The following NFKB1 variants were observed in gnomAD, a reference collection of about 807,000 sequenced individuals.
NFKB1 encodes nuclear factor kappa B subunit 1, also known as nuclear factor NF-kappa-B p105 subunit.
A neutral mutation model predicts 105.1 loss-of-function variants in NFKB1; 9 were observed. The ratio of observed to expected loss-of-function variants is 0.09; its 90% CI spans 0.05 to 0.15. The LOEUF is 0.15. Among genes scored for constraint, NFKB1 ranks in the 10% least tolerant of loss-of-function variants. NFKB1 has a pLI of 1.00. For missense variants in NFKB1, 830 were observed against 1,203.7 expected, an observed-to-expected ratio of 0.69 and a Z score of 4.59; for synonymous variants, 440 against 442.2, an observed-to-expected ratio of 1.00 and a Z score of 0.06.
At chr4:102,526,414 G>A (rs1467689430) in intron 2 of NFKB1, among the ~76,000 whole-genome samples, 2 of 152,076 alleles carry the variant, frequency 1.3e-5, no homozygotes, top group Non-Finnish European at 2.9e-5. Flanking sequence ...TATGTTATTT[G>A]AGTGTTGGAT....
At chr4:102,614,724 A>G (rs4648126) in intron 23 of NFKB1, among the ~76,000 whole-genome samples, 2,820 of 151,726 alleles carry the variant, frequency 0.019, 46 homozygotes, top group Middle Eastern at 0.038. Context: ...CCTACCTTCA[A>G]CTTCAGACCG....
intron 4 of NFKB1, 134 bp downstream of exon 4, chr4:102,534,019 G>A (rs1438040821): frequency 2.8e-6 from 2 of 725,032 alleles, no homozygotes; most frequent in Admixed American, 5.9e-5. Context: ...GACAAATTAT[G>A]TAACAGCTTT....
At chr4:102,538,421 CA>C (rs1310405830) in intron 5 of NFKB1, among the ~76,000 whole-genome samples, 3 of 152,206 alleles carry the variant, frequency 2.0e-5, no homozygotes, top group African/African-American at 7.2e-5. Flanking sequence ...TTCTAAACTT[CA>C]GTCTCTTAAT....
chr4:102,516,909 G>A (rs946289374), intron 1 of NFKB1, among the ~76,000 whole-genome samples: 4 of 152,108 alleles, frequency 2.6e-5, no homozygotes, highest in African/African-American at 9.7e-5. Flanking sequence ...CCATCGTGTG[G>A]TCTTTCTGAA....
intron 3 of NFKB1, among the ~76,000 whole-genome samples, chr4:102,530,297 G>A (rs1285117700): frequency 6.6e-6 from 1 of 152,122 alleles, no homozygotes; most frequent in African/African-American, 2.4e-5. Flanking sequence ...CAGTGTGCCA[G>A]TCACTGGGGA....
At chr4:102,594,204 T>G (rs1726413874) in intron 12 of NFKB1, among the ~76,000 whole-genome samples, 1 of 152,234 alleles carries the variant, frequency 6.6e-6, no homozygotes, top group African/African-American at 2.4e-5. Flanking sequence ...ATATGAACTT[T>G]AAGCATAAAT....
intron 6 of NFKB1, 60 bp from the exon 7 acceptor site, chr4:102,576,816 A>C: frequency 1.3e-6 from 2 of 1,525,804 alleles, no homozygotes; most frequent in Non-Finnish European, 1.8e-6. Context: ...CAGATTCCCT[A>C]GACATTAAGT....
intron 12 of NFKB1, among the ~76,000 whole-genome samples, chr4:102,594,301 A>G (rs993557397): frequency 2.0e-5 from 3 of 152,164 alleles, no homozygotes; most frequent in African/African-American, 7.2e-5. Flanking sequence ...TTTCTATATA[A>G]AATGCTATAC....
intron 1 of NFKB1, among the ~76,000 whole-genome samples, chr4:102,520,046 G>A (rs1740463760): frequency 6.6e-6 from 1 of 152,162 alleles, no homozygotes; most frequent in African/African-American, 2.4e-5. Context: ...GCCATTCTGT[G>A]CAGTATAGGA....
At chr4:102,549,463 TTA>T (rs768254303) in intron 5 of NFKB1, among the ~76,000 whole-genome samples, 2 of 149,428 alleles carry the variant, frequency 1.3e-5, no homozygotes, top group East Asian at 3.9e-4. Context: ...TATATTCTGT[TTA>T]TATATTGAAT....
intron 1 of NFKB1, among the ~76,000 whole-genome samples, chr4:102,520,966 G>C (rs1386001021): frequency 6.6e-6 from 1 of 151,930 alleles, no homozygotes; most frequent in Non-Finnish European, 1.5e-5. Flanking sequence ...AATTCAGTTA[G>C]AAAATTACAA....
chr4:102,578,884 G>T lies in NFKB1; in HGVS notation c.575G>T (p.Arg192Leu). ...EGGGDRQLGD[R>L]EKELIRQAAL... ...GGACTGTGCTGTATGGCCCTAGATCGGGAAAAAGAGCTAATCCGCCAAGCA... is the reference window on the plus strand; with the variant it reads ...GGACTGTGCTGTATGGCCCTAGATCTGGAAAAAGAGCTAATCCGCCAAGCA... Residue 192 changes from arginine to leucine, a missense_variant, in exon 8 of 24, where the codon CGG (arginine) becomes CTG (leucine). Transcript: ENST00000226574. The T allele has an allele frequency of 6.2e-7, 1 of 1,613,946 alleles. No individual in the cohort carries two copies. Among genetic ancestry groups the T allele is most frequent in the South Asian group, 1.1e-5 (1 of 91,084 alleles).
intron 18 of NFKB1, 58 bp downstream of exon 18, chr4:102,607,377 CT>C: frequency 6.4e-7 from 1 of 1,569,036 alleles, no homozygotes; most frequent in African/African-American, 1.4e-5. Flanking sequence ...TTAAGGAAAT[CT>C]TTTCAAAGAA....
intron 6 of NFKB1, among the ~76,000 whole-genome samples, chr4:102,569,191 T>C (rs1304721233): frequency 3.3e-5 from 5 of 152,162 alleles, no homozygotes; most frequent in Non-Finnish European, 7.4e-5. Context: ...ACTTATTGCA[T>C]TTATGTAGAA....
At chr4:102,515,691 G>C (rs890724066) in intron 1 of NFKB1, among the ~76,000 whole-genome samples, 21 of 152,000 alleles carry the variant, frequency 1.4e-4, no homozygotes, top group Non-Finnish European at 1.6e-4. Flanking sequence ...TTGTCCTTCT[G>C]TGCTGTTATT....
chr4:102,544,214 CTT>C (rs1721955391), intron 5 of NFKB1, among the ~76,000 whole-genome samples: 1 of 152,122 alleles, frequency 6.6e-6, no homozygotes. Context: ...GCTTGTATCA[CTT>C]TAGCTTTTTG....
intron 23 of NFKB1, among the ~76,000 whole-genome samples, chr4:102,615,744 G>A (rs4648141): frequency 0.25 from 38,758 of 152,020 alleles, 6,836 homozygotes; most frequent in African/African-American, 0.5. Flanking sequence ...AATGATAGTC[G>A]TGCCACTGGC....
chr4:102,607,397 G>A (rs1727872244), intron 18 of NFKB1, 78 bp downstream of exon 18: 1 of 1,469,878 alleles, frequency 6.8e-7, no homozygotes, highest in Non-Finnish European at 9.4e-7. Flanking sequence ...AAGGAAGTCA[G>A]TAGCTGCTGT....
chr4:102,583,217 C>G (rs573762919), intron 10 of NFKB1, among the ~76,000 whole-genome samples: 4 of 152,144 alleles, frequency 2.6e-5, no homozygotes, highest in African/African-American at 9.7e-5. Context: ...AACTCCTGGA[C>G]TTAAGCGATT....
Sources: gnomAD v4.1 joint callset for allele counts (sites outside exome capture counted in the v4.1 genomes callset) on GRCh38, gnomAD v4.1.1 for gene constraint, MANE v1.5 for transcripts, NCBI Gene and HGNC (gene_info 2026-07-23, HGNC 2026-07-21) for gene names.